Variants in WNK1 observed in about 807,000 individuals in gnomAD.
The protein encoded by WNK1 is WNK lysine deficient protein kinase 1, also known as serine/threonine-protein kinase WNK1.
In WNK1, 38 loss-of-function variants were observed where a neutral mutation model predicts 222.8. The ratio of observed to expected loss-of-function variants is 0.17; its 90% CI spans 0.13 to 0.22. The LOEUF is 0.22. Among genes scored for constraint, WNK1 ranks in the 10% least tolerant of loss-of-function variants. The pLI is 1.00. For missense variants in WNK1, 2,348 were observed against 2,918.4 expected (o/e 0.80, Z 4.50); for synonymous variants, 1,090 against 1,092.9 (o/e 1.00, Z 0.05).
rs768701418 is a variant in WNK1, at chr12:883,369, AGACT to A, written c.3490-22_3490-19del. 4.3e-6 allele frequency: 7 copies of A among 1,613,368 alleles called. No homozygotes were observed. In the South Asian group the frequency reaches 4.4e-5, roughly 10 times the overall value. On this transcript the variant is annotated intron_variant, in intron 15 of 27. Coordinates refer to ENST00000315939, the MANE Select transcript of WNK1 (RefSeq NM_018979.4). ...TAAAGTTTGAGAAATGACACTAATT[AGACT>A]GACATCACATTTCTTTTACAGGTGA...
rs1483141875 is a variant in WNK1, at chr12:909,025, G to A, written c.*233G>A. 1 of 565,840 alleles carries A rather than the reference G, an allele frequency of 1.8e-6. No individual in the cohort carries two copies. The highest frequency in any genetic ancestry group is 3.2e-6 in the Non-Finnish European group (1 of 316,784). The allele number at this position is 565,840 out of a possible 1,614,324, so 35.1% of individuals were successfully genotyped here. A position where few individuals can be genotyped will look rare whatever the true frequency, so the allele number is the denominator to read the frequency against. ...AGAACAGCTTTTTTGTCAAGGGGCA[G>A]CTTCAGACCATGCTTTCCTGTTTAT... On this transcript the variant is annotated 3_prime_UTR_variant, in exon 28 of 28. Coordinates refer to ENST00000315939, the MANE Select transcript of WNK1 (RefSeq NM_018979.4).
chr12:878,489 C>T, intron 10 of WNK1, 128 bp downstream of exon 10: 1 of 1,028,166 alleles, frequency 9.7e-7, no homozygotes, highest in East Asian at 2.6e-5. Context: ...GTAACCAACC[C>T]TTGAAGTAGG....
Position 910,133 on chromosome 12 carries a change from T to G in WNK1, c.*1341T>G, listed in dbSNP as rs1364466577. On this transcript the variant is annotated 3_prime_UTR_variant, in exon 28 of 28. Coordinates refer to ENST00000315939, the MANE Select transcript of WNK1 (RefSeq NM_018979.4). Reference sequence around the variant, plus strand: ...GAAACTGAACATAAAGAGAAGGGGGTGGGGGGCTAGTTTTCAAGTTGGGGA... The same window carrying G: ...GAAACTGAACATAAAGAGAAGGGGGGGGGGGGCTAGTTTTCAAGTTGGGGA... 4.2e-5 allele frequency: 6 copies of G among 143,956 alleles called. No individual in the cohort carries two copies. The highest frequency in any genetic ancestry group is 1.0e-4 in the African/African-American group (4 of 38,578). The allele number at this position is 143,956 out of a possible 1,614,324, so 8.9% of individuals were successfully genotyped here.
In WNK1 at chr12:865,117, G is replaced by A. The variant is rs150330647; in HGVS notation, c.2139+2847G>A. 4.3e-5 allele frequency: 65 copies of A among 1,516,326 alleles called. 1 individual carries two copies. In the Middle Eastern group the frequency reaches 1.2e-3, roughly 28 times the overall value. 93.9% of individuals were successfully genotyped at this position (1,516,326 alleles called of 1,614,324 possible). On this transcript the variant is annotated intron_variant, in intron 8 of 27. Coordinates refer to ENST00000315939, the MANE Select transcript of WNK1 (RefSeq NM_018979.4). ...TGTTTGTTTTGTGTTGAGCCTCGTC[G>A]TGGCCGTAGCATGTCGGTTTGTGTT... is the stretch of plus-strand genomic sequence containing the variant.
rs1954861042 is a variant in WNK1 at position 897,576 on chromosome 12, C to T, written c.6343C>T (p.Pro2115Ser). 1.9e-6 allele frequency: 3 copies of T among 1,614,042 alleles called. No homozygotes were observed. In the East Asian group the frequency reaches 6.7e-5, roughly 36 times the overall value. The change falls in exon 25 of 28, where the codon CCC becomes TCC. Residue 2115 changes from proline (P) to serine (S), a missense_variant. By Grantham distance (74) the Pro-to-Ser change is moderately conservative (BLOSUM62 -1). Coordinates refer to ENST00000315939, the MANE Select transcript of WNK1 (RefSeq NM_018979.4). ...LGKVPPAVII[P>S]PAAPLSGRRR... Reference sequence around the variant, plus strand: ...CAAGGTGCCCCCTGCTGTTATTATTCCCCCAGCTGCTCCCCTTTCAGGGAG... The same window carrying T: ...CAAGGTGCCCCCTGCTGTTATTATTTCCCCAGCTGCTCCCCTTTCAGGGAG...
intron 8 of WNK1, among the ~76,000 whole-genome samples, chr12:863,042 G>T (rs1238449793): frequency 6.6e-6 from 1 of 152,028 alleles, no homozygotes; most frequent in Admixed American, 6.6e-5. Context: ...CATTTCTTTT[G>T]TTGACCTCAG....
At chr12:819,549 G>C (rs1947665500) in intron 2 of WNK1, among the ~76,000 whole-genome samples, 2 of 152,226 alleles carry the variant, frequency 1.3e-5, no homozygotes, top group South Asian at 2.1e-4. Flanking sequence ...GCTCAAGCCT[G>C]TGCCAAGTTT....
chr12:867,824 A>G, intron 8 of WNK1: 1 of 1,609,528 alleles, frequency 6.2e-7, no homozygotes, highest in Non-Finnish European at 8.5e-7. Context: ...GTAATTTCAC[A>G]TATGAATGTA....
rs532720977 is a variant in WNK1 at position 782,473 on chromosome 12, AT to A, written c.759+28151del. ...GGCTTAGTTGAATAACATTGGATAT[AT>A]TACTCTGCGGTTCCTAAGTCTATGA... is the stretch of plus-strand genomic sequence containing the variant. On this transcript the variant is annotated intron_variant, in intron 1 of 27. Coordinates refer to ENST00000315939, the MANE Select transcript of WNK1 (RefSeq NM_018979.4). Among the ~76,000 whole-genome samples, 289 of 152,306 alleles carry A rather than the reference AT, an allele frequency of 1.9e-3. 1 individual carries two copies. The Middle Eastern group carries it at 0.024, about 13-fold the overall frequency.
chr12:861,107 G>A lies in WNK1; in HGVS notation c.1715G>A (p.Arg572Gln), dbSNP rs1445894547. 6.2e-7 allele frequency: 1 copy of A among 1,613,822 alleles called. No individual in the cohort carries two copies. Among genetic ancestry groups the A allele is most frequent in the Non-Finnish European group, 8.5e-7 (1 of 1,179,972 alleles). Residue 572 changes from arginine to glutamine, a missense_variant, in exon 7 of 28, where the codon CGG (arginine) becomes CAG (glutamine). Around this residue, in one of 13 missense-constraint regions of WNK1, gnomAD observed 103 missense variants for 111.5 expected, o/e 0.92. Transcript: ENST00000315939. ...TTAATTAAGAGGAAACGAGAGCAGCGGCAGTTGGTACGGGAGGAGCAAGAA... is the reference window on the plus strand; with the variant it reads ...TTAATTAAGAGGAAACGAGAGCAGCAGCAGTTGGTACGGGAGGAGCAAGAA... ...VSLIKRKREQRQLVREEQEKK... is the reference protein window; with the variant it reads ...VSLIKRKREQQQLVREEQEKK...
At chr12:789,161 C>T (rs1944605384) in intron 1 of WNK1, among the ~76,000 whole-genome samples, 1 of 152,014 alleles carries the variant, frequency 6.6e-6, no homozygotes, top group African/African-American at 2.4e-5. Context: ...ATTCTTAGCC[C>T]ATAATTTTCA....
chr12:770,091 A>C (rs1477606210), intron 1 of WNK1, among the ~76,000 whole-genome samples: 3 of 151,812 alleles, frequency 2.0e-5, no homozygotes, highest in African/African-American at 7.3e-5. Context: ...CTCCTGCCTC[A>C]GCCTCCCTGA....
Position 868,172 on chromosome 12 carries a change from A to T in WNK1, c.2140-3093A>T, listed in dbSNP as rs142624740. 110 of 1,614,016 alleles carry T rather than the reference A, an allele frequency of 6.8e-5. No homozygotes were observed. In the East Asian group the frequency reaches 2.2e-3, roughly 32 times the overall value. Reference sequence around the variant, plus strand: ...TAGAGTAACTGGAGAGTCATGTGAGATACAGGTCCATCCTATGTTTGAACC... The same window carrying T: ...TAGAGTAACTGGAGAGTCATGTGAGTTACAGGTCCATCCTATGTTTGAACC... On this transcript the variant is annotated intron_variant, in intron 8 of 27. Transcript: ENST00000315939.
At chr12:857,353 GTTTC>G in intron 5 of WNK1, 104 bp downstream of exon 5, 2 of 1,094,304 alleles carry the variant, frequency 1.8e-6, no homozygotes, top group Non-Finnish European at 2.8e-6. Context: ...TTTGTGATTG[GTTTC>G]TCTATTTGTG....
rs11450919 is a variant in WNK1 at position 886,125 on chromosome 12, G to GT, written c.5280+49dup. On this transcript the variant is annotated intron_variant, in intron 19 of 27. Transcript: ENST00000315939. ...TAAAATAATTAGATAAATATGATCA[G>GT]TTTTTTTTCTCCCTAATGAGTACAT... 1,223,873 of 1,458,032 alleles carry GT rather than the reference G, an allele frequency of 0.84. 514,650 individuals carry two copies. The highest frequency in any genetic ancestry group is 0.91 in the African/African-American group (62,830 of 69,204). 90.3% of individuals were successfully genotyped at this position (1,458,032 alleles called of 1,614,324 possible). A position where few individuals can be genotyped will look rare whatever the true frequency, so the allele number is the denominator to read the frequency against.
intron 8 of WNK1, chr12:865,015 T>G: frequency 7.1e-7 from 1 of 1,406,176 alleles, no homozygotes; most frequent in Non-Finnish European, 9.3e-7. Context: ...GATGGAACAT[T>G]TCTTCATGCA....
chr12:801,606 C>T (rs1457270433), intron 1 of WNK1, among the ~76,000 whole-genome samples: 2 of 150,886 alleles, frequency 1.3e-5, no homozygotes, highest in African/African-American at 4.9e-5. Context: ...CAAGGTCTTG[C>T]TCTGTTGCCC....
intron 8 of WNK1, among the ~76,000 whole-genome samples, chr12:864,406 C>T (rs573642586): frequency 7.9e-5 from 12 of 152,180 alleles, no homozygotes; most frequent in East Asian, 3.9e-4. Context: ...CCACCATGCC[C>T]GGCCTAAATT....
At chr12:754,411 G>A in intron 1 of WNK1, 87 bp downstream of exon 1, 1 of 1,567,730 alleles carries the variant, frequency 6.4e-7, no homozygotes, top group Non-Finnish European at 8.8e-7. Context: ...CCCTTCACTT[G>A]GCATTCTCTG....
Sources: allele counts gnomAD v4.1 joint callset (sites outside exome capture counted in the v4.1 genomes callset), GRCh38; gene constraint gnomAD v4.1.1; regional missense constraint gnomAD v4.1.1; transcripts MANE v1.5; gene names NCBI Gene and HGNC (gene_info 2026-07-23, HGNC 2026-07-21).